The following RPS6KA2 variants were observed in gnomAD, a reference collection of about 807,000 sequenced individuals.
The protein encoded by RPS6KA2 is ribosomal protein S6 kinase alpha-2.
In RPS6KA2, 42 loss-of-function variants were observed where a neutral mutation model predicts 91.8. The observed-to-expected ratio is 0.46, with a 90% CI of 0.36 to 0.59. The LOEUF (loss-of-function observed/expected upper bound fraction) is 0.59. Among genes scored for constraint, RPS6KA2 ranks in the 20% least tolerant of loss-of-function variants. The probability of loss-of-function intolerance (pLI) is 0.00; values close to 1 mark genes in which losing one functional copy is unlikely to be tolerated. For missense variants in RPS6KA2, 798 were observed against 978.5 expected (o/e 0.82, Z 2.46); for synonymous variants, 414 against 393.6 (o/e 1.05, Z -0.61).
intron 1 of RPS6KA2, among the ~76,000 whole-genome samples, chr6:166,570,086 G>A (rs1360986417): frequency 6.6e-6 from 1 of 152,166 alleles, no homozygotes; most frequent in Non-Finnish European, 1.5e-5. Context: ...CAAGGGAGAG[G>A]CTGTCCAGTA....
chr6:166,595,226 T>C (rs1562330646), intron 1 of RPS6KA2, among the ~76,000 whole-genome samples: 2 of 152,074 alleles, frequency 1.3e-5, no homozygotes, highest in Admixed American at 1.3e-4. Context: ...TAATGTTTTG[T>C]ATTTTAGTAG....
intron 15 of RPS6KA2, among the ~76,000 whole-genome samples, chr6:166,432,007 G>A (rs894132135): frequency 1.3e-5 from 2 of 152,212 alleles, no homozygotes; most frequent in Non-Finnish European, 1.5e-5. Context: ...GGAAACTGAG[G>A]TAGGCCCAAT....
chr6:166,779,262 A>T (rs929255399), intron 2 of RPS6KA2, among the ~76,000 whole-genome samples: 8 of 152,182 alleles, frequency 5.3e-5, no homozygotes, highest in African/African-American at 1.9e-4. Context: ...AAAATATCCT[A>T]AGGAGTTGTT....
chr6:166,524,362 T>C (rs1782954290), intron 3 of RPS6KA2, among the ~76,000 whole-genome samples: 1 of 152,136 alleles, frequency 6.6e-6, no homozygotes, highest in South Asian at 2.1e-4. Flanking sequence ...AGCAGCTCAT[T>C]CGACACTGCG....
chr6:166,446,562 G>A (rs1779685244), intron 14 of RPS6KA2, among the ~76,000 whole-genome samples: 2 of 152,178 alleles, frequency 1.3e-5, no homozygotes, highest in Non-Finnish European at 2.9e-5. Flanking sequence ...ATTCCACAGA[G>A]TTTGACCTCA....
intron 3 of RPS6KA2, among the ~76,000 whole-genome samples, chr6:166,530,207 G>A (rs1229676083): frequency 2.0e-5 from 3 of 152,134 alleles, no homozygotes; most frequent in Non-Finnish European, 2.9e-5. Context: ...GAGCCTCATG[G>A]GGCCCCAAGG....
At chr6:166,470,283 G>A (rs755060860) in intron 10 of RPS6KA2, among the ~76,000 whole-genome samples, 24 of 152,230 alleles carry the variant, frequency 1.6e-4, no homozygotes, top group African/African-American at 4.8e-4. Context: ...CCAGGAGGCC[G>A]GAGGGGAAGG....
intron 2 of RPS6KA2, among the ~76,000 whole-genome samples, chr6:166,746,639 A>G (rs764255427): frequency 6.6e-6 from 1 of 152,232 alleles, no homozygotes; most frequent in African/African-American, 2.4e-5. Flanking sequence ...TGCCAGTCGT[A>G]AGCCCCAGGC....
intron 2 of RPS6KA2, among the ~76,000 whole-genome samples, chr6:166,779,400 G>A (rs7755921): frequency 4.6e-5 from 7 of 151,900 alleles, no homozygotes; most frequent in Admixed American, 1.3e-4. Context: ...GTTGAAGCCC[G>A]GCCCGCACAT....
chr6:166,743,595 C>T (rs933319919), intron 2 of RPS6KA2, among the ~76,000 whole-genome samples: 5 of 152,344 alleles, frequency 3.3e-5, no homozygotes, highest in South Asian at 4.2e-4. Context: ...CTCCACACCC[C>T]GGGGAGCTAC....
At chr6:166,697,551 C>T (rs1789392966) in intron 2 of RPS6KA2, among the ~76,000 whole-genome samples, 1 of 152,164 alleles carries the variant, frequency 6.6e-6, no homozygotes, top group Non-Finnish European at 1.5e-5. Flanking sequence ...TTGAAACTGA[C>T]CCAGTTTAAA....
chr6:166,688,397 C>T (rs1204794933), intron 2 of RPS6KA2, among the ~76,000 whole-genome samples: 1 of 152,240 alleles, frequency 6.6e-6, no homozygotes, highest in African/African-American at 2.4e-5. Context: ...CTCTGCTCAT[C>T]CCCGGCCTTG....
At chr6:166,670,725 C>T (rs756001753) in intron 2 of RPS6KA2, among the ~76,000 whole-genome samples, 3 of 152,162 alleles carry the variant, frequency 2.0e-5, no homozygotes, top group African/African-American at 4.8e-5. Context: ...ATATTTGAAA[C>T]GCAACAATTG....
At chr6:166,600,519 C>G (rs538006954) in intron 1 of RPS6KA2, among the ~76,000 whole-genome samples, 1 of 152,370 alleles carries the variant, frequency 6.6e-6, no homozygotes, top group South Asian at 2.1e-4. Context: ...GTTTGACACA[C>G]TGTCTTGGGA....
chr6:166,520,043 C>A (rs62440472), intron 3 of RPS6KA2, among the ~76,000 whole-genome samples: 11,703 of 152,168 alleles, frequency 0.077, 624 homozygotes, highest in Non-Finnish European at 0.11. Flanking sequence ...CCACTGAGGG[C>A]CAGAATAGAA....
Position 166,766,954 on chromosome 6 carries a change from C to T in RPS6KA2, c.123+91246G>A, listed in dbSNP as rs573126377. On this transcript the variant is annotated intron_variant, in intron 2 of 21. Transcript: ENST00000503859. ...GGCCCTGTGGGCCTAACGTGCCTCT[C>T]CTCCCTCGCCTTTGTTTACAAGTCC... Among the ~76,000 whole-genome samples, 10 of 152,358 alleles carry T rather than the reference C, an allele frequency of 6.6e-5. No homozygotes were observed. The East Asian group carries it at 1.9e-3, about 29-fold the overall frequency.
At chr6:166,485,053 C>T (rs1583193630) in intron 10 of RPS6KA2, among the ~76,000 whole-genome samples, 2 of 152,224 alleles carry the variant, frequency 1.3e-5, no homozygotes. Flanking sequence ...ATTAGAAATC[C>T]GCCCAGGCAG....
At chr6:166,510,945 G>A (rs1283171883) in intron 3 of RPS6KA2, among the ~76,000 whole-genome samples, 3 of 152,158 alleles carry the variant, frequency 2.0e-5, no homozygotes, top group East Asian at 3.9e-4. Context: ...GTTTTCGTCT[G>A]TAGAATGTTC....
intron 2 of RPS6KA2, among the ~76,000 whole-genome samples, chr6:166,752,661 AGACT>A (rs2128599550): frequency 6.6e-6 from 1 of 152,348 alleles, no homozygotes; most frequent in African/African-American, 2.4e-5. Flanking sequence ...AAAGAAAGAA[AGACT>A]GAGACTAACA....
Sources: gnomAD v4.1 joint callset for allele counts (sites outside exome capture counted in the v4.1 genomes callset) on GRCh38, gnomAD v4.1.1 for gene constraint, MANE v1.5 for transcripts, NCBI Gene and HGNC (gene_info 2026-07-23, HGNC 2026-07-21) for gene names.